Variants in AP3S1 observed in about 807,000 individuals in gnomAD.
The protein encoded by AP3S1 is adaptor related protein complex 3 subunit sigma 1, also known as AP-3 complex subunit sigma-1.
A neutral mutation model predicts 21.3 loss-of-function variants in AP3S1; 12 were observed. That is an observed-to-expected ratio of 0.56 (90% CI 0.36 to 0.91). AP3S1 has a LOEUF of 0.91. Ranked by LOEUF, AP3S1 falls within the 40% of genes least tolerant of loss-of-function variation. The pLI, the probability that AP3S1 is intolerant of heterozygous loss-of-function variation, is 0.01. For missense variants in AP3S1, 116 were observed against 225.0 expected (o/e 0.52, Z 3.10); for synonymous variants, 48 against 78.4 (o/e 0.61, Z 2.05).
Position 115,895,030 on chromosome 5 carries a change from G to T in AP3S1, c.274-57G>T. ...ATAATTAAGAATTGCCTTCCTTATA[G>T]ATAATAGTTTTGAATAAATTTAAAC... On this transcript the variant is annotated intron_variant, in intron 3 of 5. Transcript: ENST00000316788. The T allele has an allele frequency of 8.4e-7, 1 of 1,192,738 alleles. No homozygotes were observed. Among genetic ancestry groups the T allele is most frequent in the South Asian group, 1.4e-5 (1 of 70,466 alleles). 73.9% of individuals were successfully genotyped at this position (1,192,738 alleles called of 1,614,324 possible). A position where few individuals can be genotyped will look rare whatever the true frequency, so the allele number is the denominator to read the frequency against.
chr5:115,909,807 C>T lies in AP3S1; in HGVS notation c.454-3555C>T, dbSNP rs189281957. ...TACCTGTGTTGGGTACATTCCAAAA[C>T]CCCCAGTGGATGCCTGAAACTGTGT... On this transcript the variant is annotated intron_variant, in intron 5 of 5. Coordinates refer to ENST00000316788, the MANE Select transcript of AP3S1 (RefSeq NM_001284.4). Among the ~76,000 whole-genome samples, 1,492 of 152,202 alleles carry T rather than the reference C, an allele frequency of 9.8e-3. 11 individuals are homozygous for T. The highest frequency in any genetic ancestry group is 0.017 in the Non-Finnish European group (1,130 of 68,004).
Position 115,913,236 on chromosome 5 carries a change from C to T in AP3S1, c.454-126C>T, listed in dbSNP as rs955366599. ...AGTAACCATTCCATACCAATTCAAA[C>T]TACCATCTGGTCCCTAAGCTTGTTA... On this transcript the variant is annotated intron_variant, in intron 5 of 5. Coordinates refer to ENST00000316788, the MANE Select transcript of AP3S1 (RefSeq NM_001284.4). The T allele has an allele frequency of 7.5e-6, 7 of 927,530 alleles. No individual in the cohort carries two copies. The African/African-American group carries it at 1.2e-4, about 16-fold the overall frequency. The allele number at this position is 927,530 out of a possible 1,614,324, so 57.5% of individuals were successfully genotyped here. A position where few individuals can be genotyped will look rare whatever the true frequency, so the allele number is the denominator to read the frequency against.
chr5:115,865,458 G>A (rs992698093), intron 1 of AP3S1, among the ~76,000 whole-genome samples: 2 of 152,048 alleles, frequency 1.3e-5, no homozygotes, highest in Non-Finnish European at 2.9e-5. Flanking sequence ...AATTGTTTTT[G>A]ATCTTCAAAA....
intron 3 of AP3S1, among the ~76,000 whole-genome samples, chr5:115,878,431 T>G (rs1395820514): frequency 7.8e-6 from 1 of 128,020 alleles, no homozygotes; most frequent in Non-Finnish European, 1.6e-5. Flanking sequence ...CTAGCCAGTT[T>G]TCCCAACATC....
intron 1 of AP3S1, among the ~76,000 whole-genome samples, chr5:115,844,801 A>T (rs557298101): frequency 6.6e-6 from 1 of 152,056 alleles, no homozygotes; most frequent in East Asian, 1.9e-4. Context: ...GATTTTTTTC[A>T]TCTTTGTTAT....
chr5:115,888,377 T>C (rs905090163), intron 3 of AP3S1, among the ~76,000 whole-genome samples: 5 of 152,104 alleles, frequency 3.3e-5, no homozygotes, highest in Non-Finnish European at 7.4e-5. Context: ...CAGTTATTTG[T>C]TTTTTGTTGG....
intron 1 of AP3S1, among the ~76,000 whole-genome samples, chr5:115,855,966 A>C (rs764174768): frequency 2.0e-5 from 3 of 152,174 alleles, no homozygotes; most frequent in Non-Finnish European, 4.4e-5. Context: ...AAAAGAGAAA[A>C]TATTGTTAGT....
intron 1 of AP3S1, among the ~76,000 whole-genome samples, chr5:115,863,394 C>T (rs1763348820): frequency 1.4e-5 from 2 of 147,474 alleles, no homozygotes; most frequent in African/African-American, 5.0e-5. Flanking sequence ...AAAACTATCT[C>T]GAAAAAAAAT....
chr5:115,846,123 A>T lies in AP3S1; in HGVS notation c.69+4017A>T, dbSNP rs80067258. On this transcript the variant is annotated intron_variant, in intron 1 of 5. Coordinates refer to ENST00000316788, the MANE Select transcript of AP3S1 (RefSeq NM_001284.4). Reference sequence around the variant, plus strand: ...TTTTACATAGCTATCAAACAAAAAAATCCCTTCGGTTGTGATTCCATAGTG... The same window carrying T: ...TTTTACATAGCTATCAAACAAAAAATTCCCTTCGGTTGTGATTCCATAGTG... Among the ~76,000 whole-genome samples, 1,384 of 152,310 alleles carry T rather than the reference A, an allele frequency of 9.1e-3. 21 individuals are homozygous for T. The highest frequency in any genetic ancestry group is 0.032 in the African/African-American group (1,339 of 41,580).
In AP3S1 at chr5:115,896,463, A is replaced by G. The variant is rs144831522; in HGVS notation, c.345+1305A>G. On this transcript the variant is annotated intron_variant, in intron 4 of 5. Transcript: ENST00000316788. ...ACAAAGACTCTTGTTATTTTTAGTC[A>G]TTAGGGTTCACAATATTCAAAATTA... is the stretch of plus-strand genomic sequence containing the variant. Among the ~76,000 whole-genome samples the G allele has an allele frequency of 2.8e-3, 425 of 152,242 alleles. 2 individuals carry two copies. Among genetic ancestry groups the G allele is most frequent in the African/African-American group, 9.8e-3 (407 of 41,538 alleles).
rs151018357 is a variant in AP3S1 at position 115,893,994 on chromosome 5, A to G, written c.274-1093A>G. Among the ~76,000 whole-genome samples the G allele has an allele frequency of 4.0e-3, 602 of 152,284 alleles. 1 individual carries two copies. The highest frequency in any genetic ancestry group is 0.014 in the African/African-American group (574 of 41,564). ...AACTATGCAAGTTGGAATTTAAGAG[A>G]TTGATTTTTGAAGGTTTGCATCAGA... On this transcript the variant is annotated intron_variant, in intron 3 of 5. Coordinates refer to ENST00000316788, the MANE Select transcript of AP3S1 (RefSeq NM_001284.4).
chr5:115,911,426 A>T (rs1342131888), intron 5 of AP3S1, among the ~76,000 whole-genome samples: 1 of 152,024 alleles, frequency 6.6e-6, no homozygotes, highest in Non-Finnish European at 1.5e-5. Context: ...ATATTTTGTC[A>T]ATACTTTTCT....
intron 3 of AP3S1, among the ~76,000 whole-genome samples, chr5:115,876,862 A>C (rs992435527): frequency 6.6e-6 from 1 of 152,210 alleles, no homozygotes; most frequent in African/African-American, 2.4e-5. Flanking sequence ...TCCATAGTGC[A>C]TCATATCAGG....
chr5:115,879,739 C>T (rs1452703493), intron 3 of AP3S1, among the ~76,000 whole-genome samples: 1 of 152,218 alleles, frequency 6.6e-6, no homozygotes, highest in East Asian at 1.9e-4. Flanking sequence ...AGGGAGGAGA[C>T]TCTCTTTTTC....
At chr5:115,909,115 G>T in intron 5 of AP3S1, 1 of 382,370 alleles carries the variant, frequency 2.6e-6, no homozygotes, top group Non-Finnish European at 3.6e-6. Flanking sequence ...TTTTAAGATG[G>T]TAGGATGGTA....
chr5:115,907,524 G>A (rs1751751780), intron 5 of AP3S1, among the ~76,000 whole-genome samples: 1 of 152,056 alleles, frequency 6.6e-6, no homozygotes, highest in Non-Finnish European at 1.5e-5. Context: ...TATAAAACTT[G>A]ACTGTATTTC....
intron 3 of AP3S1, among the ~76,000 whole-genome samples, chr5:115,871,501 C>A (rs977760836): frequency 6.6e-6 from 1 of 152,136 alleles, no homozygotes; most frequent in Non-Finnish European, 1.5e-5. Flanking sequence ...ATCTCAATTT[C>A]ACAGTTTTGA....
intron 3 of AP3S1, among the ~76,000 whole-genome samples, chr5:115,890,512 A>G (rs1439857467): frequency 6.6e-6 from 1 of 152,182 alleles, no homozygotes; most frequent in Non-Finnish European, 1.5e-5. Flanking sequence ...TAAGTGACTG[A>G]TGGACTCTGA....
intron 5 of AP3S1, among the ~76,000 whole-genome samples, chr5:115,909,314 C>T (rs1471704500): frequency 6.6e-6 from 1 of 152,104 alleles, no homozygotes; most frequent in Non-Finnish European, 1.5e-5. Flanking sequence ...AATTTAAAAA[C>T]AAAATCAAAA....
Sources: allele counts gnomAD v4.1 joint callset (sites outside exome capture counted in the v4.1 genomes callset), GRCh38; gene constraint gnomAD v4.1.1; transcripts MANE v1.5; gene names NCBI Gene and HGNC (gene_info 2026-07-23, HGNC 2026-07-21).